Variants in HERC4 observed in about 807,000 individuals in gnomAD.
HERC4 encodes probable E3 ubiquitin-protein ligase HERC4.
In HERC4, 28 loss-of-function variants were observed where a neutral mutation model predicts 124.3. That is an observed-to-expected ratio of 0.23 (90% CI 0.17 to 0.31). HERC4 has a LOEUF of 0.31. Ranked by LOEUF, HERC4 falls within the 10% of genes least tolerant of loss-of-function variation. HERC4 has a pLI of 1.00. For missense variants in HERC4, 713 were observed against 1,229.3 expected, an observed-to-expected ratio of 0.58 and a Z score of 6.28; for synonymous variants, 407 against 421.5, an observed-to-expected ratio of 0.97 and a Z score of 0.42.
chr10:67,959,130 T>C (rs2034333726), intron 16 of HERC4: 4 of 1,597,322 alleles, frequency 2.5e-6, no homozygotes, highest in Non-Finnish European at 3.4e-6. Context: ...AATCCATGGT[T>C]GACATCCTAA....
At chr10:68,074,511 A>AC (rs1199345488) in intron 1 of HERC4, 4 of 152,164 alleles carry the variant, frequency 2.6e-5, no homozygotes, top group African/African-American at 9.7e-5. Flanking sequence ...AGGTTTAACC[A>AC]CCCTTTTCTT....
At chr10:67,971,570 T>C (rs2035236306) in intron 15 of HERC4, among the ~76,000 whole-genome samples, 1 of 152,130 alleles carries the variant, frequency 6.6e-6, no homozygotes, top group Non-Finnish European at 1.5e-5. Flanking sequence ...CAATATCTGA[T>C]AAAATTCAAA....
intron 3 of HERC4, among the ~76,000 whole-genome samples, chr10:68,060,886 T>C (rs1195187672): frequency 1.3e-5 from 2 of 152,044 alleles, no homozygotes; most frequent in African/African-American, 4.8e-5. Flanking sequence ...TGGGAAGCAA[T>C]TTAAGATCTA....
chr10:68,042,116 A>G (rs2039800345), intron 4 of HERC4, among the ~76,000 whole-genome samples: 1 of 152,106 alleles, frequency 6.6e-6, no homozygotes, highest in Non-Finnish European at 1.5e-5. Context: ...TCCCAGGTTC[A>G]AGCAATTCTC....
chr10:67,989,312 T>C (rs1164710966), intron 14 of HERC4, among the ~76,000 whole-genome samples: 3 of 152,040 alleles, frequency 2.0e-5, no homozygotes, highest in African/African-American at 4.8e-5. Context: ...GAAGATCAAA[T>C]ACAGAAGCTG....
intron 15 of HERC4, among the ~76,000 whole-genome samples, chr10:67,978,458 A>G (rs2035730689): frequency 6.6e-6 from 1 of 152,226 alleles, no homozygotes; most frequent in African/African-American, 2.4e-5. Flanking sequence ...AGTACAACAG[A>G]ACACCAGGTA....
intron 3 of HERC4, among the ~76,000 whole-genome samples, chr10:68,051,112 A>AG (rs2040276458): frequency 6.6e-6 from 1 of 151,594 alleles, no homozygotes; most frequent in Admixed American, 6.6e-5. Context: ...AAAAAAAAAA[A>AG]AAAACAAAGA....
At chr10:67,988,537 C>G (rs923355457) in intron 15 of HERC4, 126 bp downstream of exon 15, 3 of 627,314 alleles carry the variant, frequency 4.8e-6, no homozygotes, top group Non-Finnish European at 2.6e-6. Context: ...GATAACTTTT[C>G]CAAATTTCTA....
At chr10:68,023,595 T>G (rs1009767287) in intron 8 of HERC4, among the ~76,000 whole-genome samples, 1 of 152,114 alleles carries the variant, frequency 6.6e-6, no homozygotes, top group African/African-American at 2.4e-5. Context: ...AGCTTCAGTT[T>G]TGCAAGATAA....
intron 15 of HERC4, among the ~76,000 whole-genome samples, chr10:67,982,256 T>A (rs1186993321): frequency 1.3e-5 from 2 of 152,106 alleles, no homozygotes; most frequent in African/African-American, 4.8e-5. Flanking sequence ...GGTACTGGCA[T>A]GAAAACAGAC....
intron 14 of HERC4, among the ~76,000 whole-genome samples, chr10:67,989,935 G>A (rs1397697760): frequency 6.6e-6 from 1 of 152,046 alleles, no homozygotes; most frequent in Non-Finnish European, 1.5e-5. Context: ...AAGGCGATGA[G>A]GGAAAGGAAT....
At position 68,017,654 on chromosome 10, in the gene HERC4, T is replaced by C. The variant is rs147608223; in HGVS notation, c.909-3468A>G. Among the ~76,000 whole-genome samples, 1,265 of 152,274 alleles carry C rather than the reference T, an allele frequency of 8.3e-3. 61 individuals carry two copies. Among genetic ancestry groups the C allele is most frequent in the Admixed American group, 0.071 (1,086 of 15,300 alleles). On this transcript the variant is annotated intron_variant, in intron 8 of 24. Coordinates refer to ENST00000373700, the MANE Select transcript of HERC4 (RefSeq NM_015601.4). ...GGTGCATGCCACCACACCTAGCTAA[T>C]TTTTGTATTTTTAGTAGAGATGGGT...
Position 68,027,893 on chromosome 10 carries a change from C to T in HERC4, c.778-2217G>A, listed in dbSNP as rs1589365342. ...GAGCCAAGATCACACCACTGCACTC[C>T]AGCCTGGGCAACACAGTGAGACTCC... On this transcript the variant is annotated intron_variant, in intron 7 of 24. Coordinates refer to ENST00000373700, the MANE Select transcript of HERC4 (RefSeq NM_015601.4). Among the ~76,000 whole-genome samples, 10 of 151,288 alleles carry T rather than the reference C, an allele frequency of 6.6e-5. No individual in the cohort carries two copies. The South Asian group carries it at 2.1e-3, about 31-fold the overall frequency.
At chr10:67,961,796 T>C (rs1190701427) in intron 16 of HERC4, among the ~76,000 whole-genome samples, 1 of 151,800 alleles carries the variant, frequency 6.6e-6, no homozygotes, top group Non-Finnish European at 1.5e-5. Context: ...CAAAGCAGTG[T>C]AAGCATAAGC....
intron 9 of HERC4, 126 bp downstream of exon 9, chr10:68,013,900 A>G (rs1272605256): frequency 1.5e-5 from 11 of 731,274 alleles, no homozygotes; most frequent in South Asian, 4.3e-5. Flanking sequence ...ACATTGTTCT[A>G]TATTTTGCTG....
rs1350108142 is a variant in HERC4, at chr10:68,049,604, A to AAAC, written c.227-5042_227-5041insGTT. Reference sequence around the variant, plus strand: ...AGACACTGCCACAAAAAAAAAAAAAAAAAAAAAAACACTTTGGAAACTAAC... The same window carrying AAAC: ...AGACACTGCCACAAAAAAAAAAAAAAAACAAAAAAAAACACTTTGGAAACTAAC... On this transcript the variant is annotated intron_variant, in intron 3 of 24. Coordinates refer to ENST00000373700, the MANE Select transcript of HERC4 (RefSeq NM_015601.4). Among the ~76,000 whole-genome samples, 338 of 150,984 alleles carry AAAC rather than the reference A, an allele frequency of 2.2e-3. 6 individuals carry two copies. The highest frequency in any genetic ancestry group is 7.8e-3 in the African/African-American group (319 of 40,936).
At chr10:68,049,590 C>CCCAAAA (rs1554827735) in intron 3 of HERC4, among the ~76,000 whole-genome samples, 2 of 42,622 alleles carry the variant, frequency 4.7e-5, no homozygotes, top group African/African-American at 2.3e-4. Flanking sequence ...GACACTGCCA[C>CCCAAAA]AAAAAAAAAA....
intron 9 of HERC4, chr10:68,010,865 A>C (rs1048145709): frequency 4.0e-6 from 6 of 1,515,018 alleles, no homozygotes; most frequent in Admixed American, 1.7e-5. Context: ...CAGAGCTTTG[A>C]GATGTCCTGG....
At position 68,068,486 on chromosome 10, in the gene HERC4, C is replaced by CAA. The variant is rs34779824; in HGVS notation, c.226+4395_226+4396dup. On this transcript the variant is annotated intron_variant, in intron 3 of 24. Coordinates refer to ENST00000373700, the MANE Select transcript of HERC4 (RefSeq NM_015601.4). ...TGGGTAACAGAGCAAGACTCCGTTT[C>CAA]AAAAAAAAAAAAAAAAAAAAAAAAT... The CAA allele has an allele frequency of 1.7e-4, 12 of 71,080 alleles. 1 individual carries two copies. The highest frequency in any genetic ancestry group is 2.5e-4 in the Non-Finnish European group (9 of 35,980). The allele number at this position is 71,080 out of a possible 1,614,324, so 4.4% of individuals were successfully genotyped here.
Sources: allele counts gnomAD v4.1 joint callset (sites outside exome capture counted in the v4.1 genomes callset), GRCh38; gene constraint gnomAD v4.1.1; transcripts MANE v1.5; gene names NCBI Gene and HGNC (gene_info 2026-07-23, HGNC 2026-07-21).